Variants in ASAP1 observed in about 807,000 individuals in gnomAD.
ASAP1 encodes ArfGAP with SH3 domain, ankyrin repeat and PH domain 1.
In ASAP1, 43 loss-of-function variants were observed where a neutral mutation model predicts 145.2. The ratio of observed to expected loss-of-function variants is 0.30; its 90% confidence interval spans 0.23 to 0.38. The LOEUF (loss-of-function observed/expected upper bound fraction) is 0.38, where lower values mean the gene tolerates loss of function less well. ASAP1 is among the 10% of genes least tolerant of loss of function. The pLI is 1.00. For synonymous variants in ASAP1, 546 were observed against 515.5 expected (o/e 1.06, Z -0.80); for missense variants, 1,018 against 1,355.3 (o/e 0.75, Z 3.91).
Position 130,358,214 on chromosome 8 carries a change from C to A in ASAP1, c.60-71G>T. ...GGCGCAGGCTCCCGGGGCCGCGGGCCGCCCGGAGGCTCATGAACCCCGGCG... is the reference window on the plus strand; with the variant it reads ...GGCGCAGGCTCCCGGGGCCGCGGGCAGCCCGGAGGCTCATGAACCCCGGCG... On this transcript the variant is annotated intron_variant, in intron 2 of 29. Coordinates refer to ENST00000518721, the MANE Select transcript of ASAP1 (RefSeq NM_018482.4). This position sits in a 1 kb window ranked among gnomAD's most constrained non-coding sequence, Gnocchi z 4.1. The A allele has an allele frequency of 1.4e-6, 2 of 1,384,546 alleles. No homozygotes were observed. The highest frequency in any genetic ancestry group is 2.2e-5 in the Admixed American group (1 of 46,408). The allele number at this position is 1,384,546 out of a possible 1,614,324, so 85.8% of individuals were successfully genotyped here.
chr8:130,231,458 T>C (rs1339932746), intron 4 of ASAP1, among the ~76,000 whole-genome samples: 1 of 152,190 alleles, frequency 6.6e-6, no homozygotes, highest in Non-Finnish European at 1.5e-5. Flanking sequence ...ATGTTATAGA[T>C]TCTAAGGGGC....
chr8:130,282,723 C>T (rs1451768680), intron 3 of ASAP1, among the ~76,000 whole-genome samples: 1 of 152,122 alleles, frequency 6.6e-6, no homozygotes, highest in African/African-American at 2.4e-5. Flanking sequence ...AGCTGTTATC[C>T]CTACTCTCAT....
At chr8:130,442,266 G>C (rs1328322771) in intron 1 of ASAP1, among the ~76,000 whole-genome samples, 1 of 152,152 alleles carries the variant, frequency 6.6e-6, no homozygotes, top group Non-Finnish European at 1.5e-5. Flanking sequence ...AGGGGCATGG[G>C]ACTGAGCCTG....
chr8:130,170,178 A>T (rs186616781), intron 9 of ASAP1, among the ~76,000 whole-genome samples: 1 of 127,976 alleles, frequency 7.8e-6, no homozygotes, highest in African/African-American at 3.0e-5. Context: ...ATATCAAGAC[A>T]TTTTAAGGAA....
chr8:130,123,866 G>A (rs2097570531), intron 18 of ASAP1, 147 bp downstream of exon 18: 1 of 588,036 alleles, frequency 1.7e-6, no homozygotes, highest in Non-Finnish European at 2.9e-6. Context: ...CTGACCTCGT[G>A]ATCCGTTTGC....
chr8:130,192,836 A>G (rs1183804625), intron 5 of ASAP1, among the ~76,000 whole-genome samples: 1 of 152,218 alleles, frequency 6.6e-6, no homozygotes, highest in East Asian at 1.9e-4. Flanking sequence ...AAATACTTGC[A>G]GAAGAAATGA....
chr8:130,134,729 G>A (rs892725904), intron 14 of ASAP1, among the ~76,000 whole-genome samples: 1 of 152,220 alleles, frequency 6.6e-6, no homozygotes, highest in African/African-American at 2.4e-5. Context: ...GAGGAGAGGG[G>A]AAGGTCCTAT....
chr8:130,403,301 T>TTTTTTAA (rs60441663), intron 1 of ASAP1, among the ~76,000 whole-genome samples: 19 of 151,094 alleles, frequency 1.3e-4, no homozygotes, highest in African/African-American at 1.7e-4. Flanking sequence ...TGTTTTTTTT[T>TTTTTTAA]AAAAAACCCA....
At chr8:130,158,414 C>G (rs1410210881) in intron 12 of ASAP1, among the ~76,000 whole-genome samples, 1 of 151,020 alleles carries the variant, frequency 6.6e-6, no homozygotes, top group Non-Finnish European at 1.5e-5. Flanking sequence ...ACTCAGGAGG[C>G]TGAGGTGGTA....
intron 5 of ASAP1, among the ~76,000 whole-genome samples, chr8:130,195,759 A>G (rs1815441670): frequency 6.6e-6 from 1 of 152,210 alleles, no homozygotes; most frequent in Non-Finnish European, 1.5e-5. Context: ...AAACTGGACA[A>G]AAATAGCCGT....
chr8:130,258,529 CA>C (rs551722903), intron 3 of ASAP1, among the ~76,000 whole-genome samples: 1 of 152,160 alleles, frequency 6.6e-6, no homozygotes, highest in Non-Finnish European at 1.5e-5. Context: ...GTAGTGGAAA[CA>C]ACAGAGACGA....
At chr8:130,347,940 G>T (rs1255088135) in intron 3 of ASAP1, among the ~76,000 whole-genome samples, 3 of 152,154 alleles carry the variant, frequency 2.0e-5, no homozygotes, top group African/African-American at 7.2e-5. Context: ...CTGGGGAAGG[G>T]GAAGGGACCT....
At chr8:130,281,298 C>T (rs868433084) in intron 3 of ASAP1, among the ~76,000 whole-genome samples, 1 of 152,208 alleles carries the variant, frequency 6.6e-6, no homozygotes, top group African/African-American at 2.4e-5. Context: ...TTCCCTATCA[C>T]TTATAGCTTT....
At position 130,079,905 on chromosome 8, in the gene ASAP1, G is replaced by A; in HGVS notation, c.2639C>T (p.Ser880Leu). 5.0e-6 allele frequency: 8 copies of A among 1,613,886 alleles called. No individual in the cohort carries two copies. The highest frequency in any genetic ancestry group is 2.2e-5 in the East Asian group (1 of 44,884). Residue 880 changes from serine to leucine, a missense_variant, in exon 26 of 30, where the codon TCG becomes TTG. Ser to Leu is a moderately radical substitution (Grantham distance 145). Around this residue, in one of 9 missense-constraint regions of ASAP1, gnomAD observed 38 missense variants for 77.2 expected, o/e 0.49. Coordinates refer to ENST00000518721, the MANE Select transcript of ASAP1 (RefSeq NM_018482.4). ...TNKFEGLSQQ[S>L]STSSAKTALG... The stretch of plus-strand genomic sequence containing the variant: ...ATGAAGCGCTGAGATGGCTTACCTC[G>A]ACTGCTGGGATAGTCCCTCAAACTT...
intron 25 of ASAP1, among the ~76,000 whole-genome samples, chr8:130,082,050 G>T (rs1213757468): frequency 6.6e-6 from 1 of 152,144 alleles, no homozygotes; most frequent in East Asian, 1.9e-4. Flanking sequence ...GGTCTGTACT[G>T]TGAATCACCA....
At chr8:130,415,174 T>C (rs1005156297) in intron 1 of ASAP1, among the ~76,000 whole-genome samples, 1 of 152,260 alleles carries the variant, frequency 6.6e-6, no homozygotes, top group African/African-American at 2.4e-5. Flanking sequence ...GGAAGACTTC[T>C]ATATGCATTG....
intron 4 of ASAP1, among the ~76,000 whole-genome samples, chr8:130,227,605 C>T (rs1817660354): frequency 6.6e-6 from 1 of 151,436 alleles, no homozygotes; most frequent in African/African-American, 2.4e-5. Context: ...TAAAACATTT[C>T]AAAGCATTTC....
intron 4 of ASAP1, among the ~76,000 whole-genome samples, chr8:130,221,773 T>C (rs371565205): frequency 8.5e-5 from 13 of 152,318 alleles, no homozygotes; most frequent in Admixed American, 2.6e-4. Flanking sequence ...TATCCTAAAG[T>C]AGGACAGGCC....
At chr8:130,345,264 C>T (rs751103960) in intron 3 of ASAP1, among the ~76,000 whole-genome samples, 2 of 152,164 alleles carry the variant, frequency 1.3e-5, no homozygotes, top group Non-Finnish European at 2.9e-5. Flanking sequence ...AAAGAAAAAT[C>T]TGAGAGGTCA....
Sources: gnomAD v4.1 joint callset for allele counts (sites outside exome capture counted in the v4.1 genomes callset) on GRCh38, gnomAD v4.1.1 for gene constraint, gnomAD v4.1.1 regional missense constraint, Gnocchi (gnomAD v3.1) non-coding constraint, MANE v1.5 for transcripts, NCBI Gene and HGNC (gene_info 2026-07-23, HGNC 2026-07-21) for gene names.